The following OR4N2 variants were observed in gnomAD, a reference collection of about 807,000 sequenced individuals.
The protein encoded by OR4N2 is olfactory receptor family 4 subfamily N member 2, also known as olfactory receptor 4N2.
For synonymous variants in OR4N2, 141 were observed against 140.4 expected, an observed-to-expected ratio of 1.00 and a Z score of -0.03; for missense variants, 307 against 377.6, an observed-to-expected ratio of 0.81 and a Z score of 1.55.
chr14:19,815,133 C>A (rs1421189624), intron 1 of OR4N2, among the ~76,000 whole-genome samples: 2 of 152,230 alleles, frequency 1.3e-5, no homozygotes, highest in African/African-American at 4.8e-5. Flanking sequence ...AGTAAACATA[C>A]ATGTGCATGT....
intron 1 of OR4N2, among the ~76,000 whole-genome samples, chr14:19,815,704 T>C (rs1879410757): frequency 6.6e-6 from 1 of 151,916 alleles, no homozygotes; most frequent in Admixed American, 6.6e-5. Flanking sequence ...TCAGTTTAAT[T>C]AGATCTCATT....
chr14:19,826,784 G>C (rs188960278), intron 1 of OR4N2, among the ~76,000 whole-genome samples: 45 of 152,370 alleles, frequency 3.0e-4, no homozygotes, highest in Non-Finnish European at 1.5e-5. Context: ...TGCTCAAACA[G>C]AGTTACAGCT....
At chr14:19,811,794 C>T (rs1401354332) in intron 1 of OR4N2, among the ~76,000 whole-genome samples, 11 of 152,202 alleles carry the variant, frequency 7.2e-5, no homozygotes, top group African/African-American at 2.4e-5. Flanking sequence ...GAAAGGGAGC[C>T]TCTCCAGTCC....
In OR4N2 at chr14:19,828,346, A is replaced by C; in HGVS notation, c.898A>C (p.Lys300Gln). Residue 300 changes from lysine to glutamine, a missense_variant, in exon 2 of 2, where the codon AAG becomes CAG. Coordinates refer to ENST00000557677, the MANE Select transcript of OR4N2 (RefSeq NM_001004723.3). ...RNQEVKASMK[K>Q]VFNKHIA ...CCAGGAAGTGAAAGCTTCCATGAAA[A>C]AGGTGTTTAATAAGCACATAGCCTG... 6.2e-7 allele frequency: 1 copy of C among 1,613,536 alleles called. No individual in the cohort carries two copies. The highest frequency in any genetic ancestry group is 1.1e-5 in the South Asian group (1 of 91,032).
At chr14:19,823,839 AAG>A (rs1566467832) in intron 1 of OR4N2, among the ~76,000 whole-genome samples, 1 of 152,266 alleles carries the variant, frequency 6.6e-6, no homozygotes, top group Non-Finnish European at 1.5e-5. Flanking sequence ...TGAATAAAGA[AAG>A]AGAGAAAAAG....
chr14:19,819,424 T>G (rs1352771890), intron 1 of OR4N2, among the ~76,000 whole-genome samples: 1 of 152,264 alleles, frequency 6.6e-6, no homozygotes, highest in Non-Finnish European at 1.5e-5. Context: ...TCACGCTTTA[T>G]TTCATTAAGT....
intron 1 of OR4N2, among the ~76,000 whole-genome samples, chr14:19,822,895 A>G (rs4060173): frequency 7.7e-4 from 118 of 152,362 alleles, no homozygotes; most frequent in Admixed American, 7.7e-3. Context: ...GAATCACACA[A>G]TAAGTTAATT....
intron 1 of OR4N2, among the ~76,000 whole-genome samples, chr14:19,826,845 T>C (rs1879711952): frequency 6.6e-6 from 1 of 152,226 alleles, no homozygotes; most frequent in Non-Finnish European, 1.5e-5. Context: ...CTTGGGATTC[T>C]CGTGAACAGT....
chr14:19,827,315 G>C, intron 1 of OR4N2, 125 bp from the exon 2 acceptor site: 1 of 807,542 alleles, frequency 1.2e-6, no homozygotes, highest in Non-Finnish European at 1.9e-6. Context: ...CAGAATAGGA[G>C]AGGGATGGGA....
intron 1 of OR4N2, among the ~76,000 whole-genome samples, chr14:19,813,744 T>C (rs1300205482): frequency 6.6e-6 from 1 of 152,156 alleles, no homozygotes; most frequent in Non-Finnish European, 1.5e-5. Context: ...CTTTACATAA[T>C]AGGGATGTCT....
rs757259543 is a variant in OR4N2 at position 19,828,036 on chromosome 14, G to A, written c.588G>A (p.Glu196=). Residue 196 remains glutamate, a synonymous_variant, in exon 2 of 2, where the codon GAG becomes GAA. Transcript: ENST00000557677. Reference sequence around the variant, plus strand: ...CCTGCACCGACACATTTGTGGTGGAGCTTCTGATGGTCTTCAACAGTGGCC... The same window carrying A: ...CCTGCACCGACACATTTGTGGTGGAACTTCTGATGGTCTTCAACAGTGGCC... ...KLACTDTFVV[E]LLMVFNSGLM... is the part of the protein sequence containing the mutation. 2 of 1,614,242 alleles carry A rather than the reference G, an allele frequency of 1.2e-6. No individual in the cohort carries two copies. Among genetic ancestry groups the A allele is most frequent in the Admixed American group, 3.3e-5 (2 of 60,032 alleles).
At chr14:19,810,866 A>G (rs531359976) in intron 1 of OR4N2, among the ~76,000 whole-genome samples, 2 of 152,378 alleles carry the variant, frequency 1.3e-5, no homozygotes, top group South Asian at 4.1e-4. Flanking sequence ...TATTAGTCCT[A>G]AAGAAACTGA....
intron 1 of OR4N2, among the ~76,000 whole-genome samples, chr14:19,816,270 A>G (rs1879425777): frequency 6.6e-6 from 1 of 152,222 alleles, no homozygotes; most frequent in Non-Finnish European, 1.5e-5. Flanking sequence ...ATAGCATTGA[A>G]TCTGTAAATT....
chr14:19,810,929 A>G (rs1245436846), intron 1 of OR4N2, among the ~76,000 whole-genome samples: 2 of 152,398 alleles, frequency 1.3e-5, no homozygotes, highest in African/African-American at 4.8e-5. Flanking sequence ...ACATTCGCCA[A>G]AACTGGCACA....
At chr14:19,818,728 T>C (rs1196448703) in intron 1 of OR4N2, among the ~76,000 whole-genome samples, 2 of 151,802 alleles carry the variant, frequency 1.3e-5, no homozygotes, top group African/African-American at 2.4e-5. Flanking sequence ...GTAATTATGA[T>C]GTTATCTGGT....
intron 1 of OR4N2, among the ~76,000 whole-genome samples, chr14:19,816,213 T>C (rs911955794): frequency 6.0e-4 from 91 of 152,354 alleles, no homozygotes; most frequent in African/African-American, 2.1e-3. Context: ...AAATTTAAAG[T>C]CGTTTTTTCT....
At chr14:19,823,623 A>G (rs1434034273) in intron 1 of OR4N2, among the ~76,000 whole-genome samples, 4 of 152,224 alleles carry the variant, frequency 2.6e-5, no homozygotes, top group Non-Finnish European at 5.9e-5. Context: ...ATAGACGAAA[A>G]GTGGAGAGAG....
intron 1 of OR4N2, among the ~76,000 whole-genome samples, chr14:19,809,325 G>A (rs1879240620): frequency 6.6e-6 from 1 of 152,138 alleles, no homozygotes; most frequent in African/African-American, 2.4e-5. Context: ...AGTCCTCAAA[G>A]GTAATTGCAA....
chr14:19,815,543 G>A (rs1263058906), intron 1 of OR4N2, among the ~76,000 whole-genome samples: 4 of 151,718 alleles, frequency 2.6e-5, no homozygotes, highest in Admixed American at 2.0e-4. Flanking sequence ...TTGTAAATTT[G>A]TTTAAGTTCC....
Sources: gnomAD v4.1 joint callset for allele counts (sites outside exome capture counted in the v4.1 genomes callset) on GRCh38, gnomAD v4.1.1 for gene constraint, MANE v1.5 for transcripts, NCBI Gene and HGNC (gene_info 2026-07-23, HGNC 2026-07-21) for gene names.